PPP4R1: variants seen among roughly 807,000 people sequenced by gnomAD.
PPP4R1 encodes serine/threonine-protein phosphatase 4 regulatory subunit 1.
In PPP4R1, 42 loss-of-function variants were observed where a neutral mutation model predicts 111.2. That is an observed-to-expected ratio of 0.38 (90% CI 0.29 to 0.49). The LOEUF (loss-of-function observed/expected upper bound fraction) is 0.49, where lower values mean the gene tolerates loss of function less well. Among genes scored for constraint, PPP4R1 ranks in the 20% least tolerant of loss-of-function variants. PPP4R1 has a pLI of 0.97. For missense variants in PPP4R1, 1,012 were observed against 1,161.6 expected (o/e 0.87, Z 1.87); for synonymous variants, 409 against 405.5 (o/e 1.01, Z -0.10).
Position 9,549,457 on chromosome 18 carries a change from A to G in PPP4R1, c.2548-119T>C, listed in dbSNP as rs550522679. 1.5e-5 allele frequency: 19 copies of G among 1,236,848 alleles called. No individual in the cohort carries two copies. The South Asian group carries it at 2.6e-4, about 17-fold the overall frequency. 76.6% of individuals were successfully genotyped at this position (1,236,848 alleles called of 1,614,324 possible). A position where few individuals can be genotyped will look rare whatever the true frequency, so the allele number is the denominator to read the frequency against. ...AAATTTTAGTTATTGCTTTTTAACC[A>G]AAATTCCACGTACTTGGGAACTCAA... On this transcript the variant is annotated intron_variant, in intron 18 of 19. Coordinates refer to ENST00000400556, the MANE Select transcript of PPP4R1 (RefSeq NM_001042388.3).
At chr18:9,557,470 T>A in intron 14 of PPP4R1, 88 bp from the exon 15 acceptor site, 1 of 1,188,788 alleles carries the variant, frequency 8.4e-7, no homozygotes. Flanking sequence ...AATTTATATA[T>A]GAATGTTACT....
intron 2 of PPP4R1, among the ~76,000 whole-genome samples, chr18:9,601,463 T>C (rs183574543): frequency 6.6e-6 from 1 of 151,696 alleles, no homozygotes; most frequent in East Asian, 2.0e-4. Flanking sequence ...GAAGTAGAGG[T>C]TGCAGTGAGC....
chr18:9,563,144 A>C, intron 12 of PPP4R1: 1 of 1,224,040 alleles, frequency 8.2e-7, no homozygotes. Context: ...CATTGAGTCT[A>C]CTAAATGGTC....
intron 2 of PPP4R1, among the ~76,000 whole-genome samples, chr18:9,610,058 A>G (rs962853480): frequency 3.9e-5 from 6 of 152,252 alleles, no homozygotes; most frequent in Admixed American, 3.9e-4. Context: ...AACATTCTTC[A>G]ACATATTACT....
At chr18:9,586,469 C>G (rs2067118222) in intron 6 of PPP4R1, among the ~76,000 whole-genome samples, 1 of 152,064 alleles carries the variant, frequency 6.6e-6, no homozygotes, top group South Asian at 2.1e-4. Flanking sequence ...GGTTATACAA[C>G]TTTGTGAACA....
In PPP4R1 at chr18:9,614,349, C is replaced by A. The variant is rs1418409960; in HGVS notation, c.8-79G>T. The A allele has an allele frequency of 2.0e-4, 216 of 1,076,320 alleles. No homozygotes were observed. The highest frequency in any genetic ancestry group is 2.3e-4 in the Non-Finnish European group (206 of 881,464). The allele number at this position is 1,076,320 out of a possible 1,614,324, so 66.7% of individuals were successfully genotyped here. ...ACGCCCCCCCCCCGCCCGCCTCCCCCCCGCCCCGGGGGCGCCTTCCCGCGC... is the reference window on the plus strand; with the variant it reads ...ACGCCCCCCCCCCGCCCGCCTCCCCACCGCCCCGGGGGCGCCTTCCCGCGC... On this transcript the variant is annotated intron_variant, in intron 1 of 19. Coordinates refer to ENST00000400556, the MANE Select transcript of PPP4R1 (RefSeq NM_001042388.3). The surrounding 1 kb of genome is among the most constrained non-coding windows in gnomAD (Gnocchi z 4.1).
chr18:9,583,056 A>G (rs1236036142), intron 9 of PPP4R1, 61 bp downstream of exon 9: 5 of 1,397,752 alleles, frequency 3.6e-6, no homozygotes, highest in Non-Finnish European at 4.8e-6. Context: ...GGTCAAAATT[A>G]TGTTTGCTTT....
chr18:9,605,398 C>T (rs7235935), intron 2 of PPP4R1, among the ~76,000 whole-genome samples: 25,075 of 151,616 alleles, frequency 0.17, 2,897 homozygotes, highest in African/African-American at 0.33. Context: ...GGTATTTCCC[C>T]ATTGTCAAAC....
At chr18:9,584,878 T>G (rs765532466) in intron 6 of PPP4R1, 50 bp from the exon 7 acceptor site, 1 of 1,348,252 alleles carries the variant, frequency 7.4e-7, no homozygotes, top group Admixed American at 2.1e-5. Flanking sequence ...GTAAGCCTCT[T>G]TCAGTTAAAT....
intron 14 of PPP4R1, among the ~76,000 whole-genome samples, chr18:9,557,856 G>T (rs953084575): frequency 1.3e-5 from 2 of 152,134 alleles, no homozygotes; most frequent in Non-Finnish European, 2.9e-5. Context: ...GACGTACTGA[G>T]GCTGCACATG....
chr18:9,554,622 T>C (rs1037741445), intron 15 of PPP4R1, among the ~76,000 whole-genome samples: 15 of 151,040 alleles, frequency 9.9e-5, no homozygotes, highest in Non-Finnish European at 1.0e-4. Context: ...AGCTACTATC[T>C]CCTGAAAAGA....
rs1252006086 is a variant in PPP4R1, at chr18:9,588,102, G to GT, written c.571dup (p.Thr191AsnfsTer26). On this transcript the variant is annotated frameshift_variant, in exon 6 of 20. Coordinates refer to ENST00000400556, the MANE Select transcript of PPP4R1 (RefSeq NM_001042388.3). LOFTEE classifies it high-confidence loss of function. ...CATTTGACTTACAGCCACAGCTTCT[G>GT]TTTTCACATCATCATTGCTATCTGG... The GT allele has an allele frequency of 6.2e-7, 1 of 1,613,956 alleles. No individual in the cohort carries two copies.
chr18:9,584,197 T>C (rs192134310), intron 8 of PPP4R1, among the ~76,000 whole-genome samples: 39 of 152,340 alleles, frequency 2.6e-4, no homozygotes, highest in Admixed American at 8.5e-4. Flanking sequence ...ATAGATTTAA[T>C]ATGTCATCAA....
intron 11 of PPP4R1, among the ~76,000 whole-genome samples, chr18:9,565,564 T>G (rs1286649648): frequency 1.3e-5 from 2 of 152,218 alleles, no homozygotes; most frequent in Non-Finnish European, 2.9e-5. Context: ...AAAGTGCTAC[T>G]CCAGTGAACA....
At chr18:9,615,530 T>C (rs1332128097), upstream of PPP4R1, among the ~76,000 whole-genome samples, 1 of 152,210 alleles carries the variant, frequency 6.6e-6, no homozygotes, top group Non-Finnish European at 1.5e-5. Context: ...TCCCAGACTT[T>C]ATTAGTCTTG....
intron 2 of PPP4R1, among the ~76,000 whole-genome samples, chr18:9,602,240 T>C (rs1189037102): frequency 6.6e-6 from 1 of 151,814 alleles, no homozygotes; most frequent in Non-Finnish European, 1.5e-5. Context: ...TGTAATAGTT[T>C]AAAAGTTGTG....
At chr18:9,552,335 C>T (rs2066502565) in intron 16 of PPP4R1, among the ~76,000 whole-genome samples, 1 of 152,118 alleles carries the variant, frequency 6.6e-6, no homozygotes, top group African/African-American at 2.4e-5. Context: ...GCAAATCATA[C>T]CACAATGAAG....
chr18:9,557,175 C>T (rs577164491), intron 15 of PPP4R1, 46 bp downstream of exon 15: 28 of 1,489,760 alleles, frequency 1.9e-5, no homozygotes, highest in Admixed American at 4.6e-5. Flanking sequence ...ATTTAGATTA[C>T]GGCAGAATTT....
In PPP4R1 at chr18:9,557,425, G is replaced by A. The variant is rs368372617; in HGVS notation, c.2029-43C>T. The A allele has an allele frequency of 1.9e-5, 28 of 1,509,032 alleles. No homozygotes were observed. The East Asian group carries it at 2.3e-4, about 13-fold the overall frequency. The allele number at this position is 1,509,032 out of a possible 1,614,324, so 93.5% of individuals were successfully genotyped here. A position where few individuals can be genotyped will look rare whatever the true frequency, so the allele number is the denominator to read the frequency against. ...CATTAGTAAGCTAACCACAAAGTAC[G>A]CAGTACTTTAACCATTAGGCAATAT... On this transcript the variant is annotated intron_variant, in intron 14 of 19. Transcript: ENST00000400556.
Sources: allele counts gnomAD v4.1 joint callset (sites outside exome capture counted in the v4.1 genomes callset), GRCh38; gene constraint gnomAD v4.1.1; non-coding constraint Gnocchi (gnomAD v3.1); transcripts MANE v1.5; gene names NCBI Gene and HGNC (gene_info 2026-07-23, HGNC 2026-07-21).